NOP9: variants seen among roughly 807,000 people sequenced by gnomAD.
NOP9 encodes the protein NOP9 nucleolar protein.
NOP9 carries 50 observed loss-of-function variants against 63.0 expected under a neutral mutation model. The observed-to-expected ratio is 0.79, with a 90% confidence interval of 0.63 to 1.00. NOP9 has a LOEUF of 1.00. NOP9 is among the 50% of genes least tolerant of loss of function. NOP9 has a pLI of 0.00. For missense variants in NOP9, 758 were observed against 803.0 expected (o/e 0.94, Z 0.68); for synonymous variants, 343 against 332.8 (o/e 1.03, Z -0.33).
chr14:24,307,591 TGGCTAGAG>T lies in NOP9; in HGVS notation c.*2503_*2510del. The stretch of plus-strand genomic sequence containing the variant: ...TGTAAAGGGCATGATGAGGGTAGAG[TGGCTAGAG>T]GGCTAGGGAGGGAGAGATCTAGGTT... On this transcript the variant is annotated 3_prime_UTR_variant, in exon 10 of 10. Coordinates refer to ENST00000267425, the MANE Select transcript of NOP9 (RefSeq NM_174913.3). 2 of 1,510,022 alleles carry T rather than the reference TGGCTAGAG, an allele frequency of 1.3e-6. No homozygotes were observed. Among genetic ancestry groups the T allele is most frequent in the Non-Finnish European group, 1.8e-6 (2 of 1,107,362 alleles). 93.5% of individuals were successfully genotyped at this position (1,510,022 alleles called of 1,614,324 possible).
At chr14:24,298,948 A>G, upstream of NOP9, 1 of 1,597,290 alleles carries the variant, frequency 6.3e-7, no homozygotes, top group East Asian at 2.3e-5. Context: ...TCCCAGAGGA[A>G]GCACTCACCT....
At position 24,304,913 on chromosome 14, in the gene NOP9, T is replaced by G. The variant is rs1405844683; in HGVS notation, c.1754-25T>G. 4 of 1,508,552 alleles carry G rather than the reference T, an allele frequency of 2.7e-6. 1 individual carries two copies. The South Asian group carries it at 4.1e-5, about 15-fold the overall frequency. 93.4% of individuals were successfully genotyped at this position (1,508,552 alleles called of 1,614,324 possible). On this transcript the variant is annotated intron_variant, in intron 9 of 9. Coordinates refer to ENST00000267425, the MANE Select transcript of NOP9 (RefSeq NM_174913.3). Reference sequence around the variant, plus strand: ...AGTCTGTCTTTGAGCATGGTAGTACTAAACATGAGTGGTTCCCTTTGCAGG... The same window carrying G: ...AGTCTGTCTTTGAGCATGGTAGTACGAAACATGAGTGGTTCCCTTTGCAGG...
At position 24,301,737 on chromosome 14, in the gene NOP9, A is replaced by G. The variant is rs937180729; in HGVS notation, c.808+15A>G. The G allele has an allele frequency of 2.5e-6, 4 of 1,613,194 alleles. No individual in the cohort carries two copies. The African/African-American group carries it at 5.3e-5, about 22-fold the overall frequency. ...GGACATTGCAGGTAAGGAGGGAAGT[A>G]GGAGGATGGTCTCGTATCTACTTGT... On this transcript the variant is annotated intron_variant, in intron 3 of 9. Transcript: ENST00000267425.
At chr14:24,271,239 G>T in the NOP9 span, 13 of 1,297,744 alleles carry the variant, frequency 1.0e-5, no homozygotes, top group South Asian at 2.0e-4. Context: ...TCCGGAAGCA[G>T]CAAGCGTGCC....
chr14:24,292,613 T>C, the NOP9 span: 1 of 1,614,164 alleles, frequency 6.2e-7, no homozygotes, highest in Non-Finnish European at 8.5e-7. Flanking sequence ...AACATCACTG[T>C]CTTTTACCTC....
At chr14:24,296,631 A>C, upstream of NOP9, 1 of 1,613,002 alleles carries the variant, frequency 6.2e-7, no homozygotes. Context: ...GAAGGTAGGG[A>C]GGTGTGAGGG....
the NOP9 span, among the ~76,000 whole-genome samples, chr14:24,285,833 C>T: frequency 2.6e-5 from 4 of 151,942 alleles, no homozygotes; most frequent in South Asian, 2.1e-4. Context: ...TACTAAAATA[C>T]AAAAAATTAG....
chr14:24,278,537 G>A, the NOP9 span, among the ~76,000 whole-genome samples: 2 of 152,184 alleles, frequency 1.3e-5, no homozygotes, highest in South Asian at 4.1e-4. Flanking sequence ...AGATTGTTGG[G>A]CCAGATTTGT....
At chr14:24,297,622 G>A (rs79061364), upstream of NOP9, among the ~76,000 whole-genome samples, 684 of 152,252 alleles carry the variant, frequency 4.5e-3, 9 homozygotes, top group African/African-American at 0.016. Context: ...CACAAACCCT[G>A]TTCAAAATCT....
the NOP9 span, chr14:24,292,015 A>G: frequency 1.2e-6 from 1 of 862,360 alleles, no homozygotes; most frequent in Non-Finnish European, 1.8e-6. Flanking sequence ...CATCTGTAGA[A>G]TGGAGCTGGT....
the NOP9 span, chr14:24,294,291 T>C: frequency 6.6e-6 from 1 of 152,066 alleles, no homozygotes; most frequent in Non-Finnish European, 1.5e-5. Context: ...TCTGTGTATA[T>C]AAAGAGCAGG....
the NOP9 span, among the ~76,000 whole-genome samples, chr14:24,285,298 C>T: frequency 6.6e-6 from 1 of 152,176 alleles, no homozygotes; most frequent in Non-Finnish European, 1.5e-5. Flanking sequence ...TGTCATTAGT[C>T]TCTATTTAAG....
At chr14:24,295,193 T>G (rs1234654462), upstream of NOP9, among the ~76,000 whole-genome samples, 1 of 152,148 alleles carries the variant, frequency 6.6e-6, no homozygotes, top group Non-Finnish European at 1.5e-5. Context: ...ATGAGAGATA[T>G]TTACATGAAA....
Position 24,299,880 on chromosome 14 carries a change from G to A in NOP9, c.-75G>A, listed in dbSNP as rs538735428. ...CGTTTCTAAACTTTGTCTGGATAAG[G>A]CGCACGCTTGGCGACGTCGAAGGTC... On this transcript the variant is annotated 5_prime_UTR_variant, in exon 1 of 10. Coordinates refer to ENST00000267425, the MANE Select transcript of NOP9 (RefSeq NM_174913.3). 9.5e-6 allele frequency: 14 copies of A among 1,479,480 alleles called. No individual in the cohort carries two copies. The highest frequency in any genetic ancestry group is 4.2e-5 in the South Asian group (3 of 71,706). The allele number at this position is 1,479,480 out of a possible 1,614,324, so 91.6% of individuals were successfully genotyped here. A position where few individuals can be genotyped will look rare whatever the true frequency, so the allele number is the denominator to read the frequency against.
upstream of NOP9, chr14:24,296,487 G>T: frequency 6.2e-7 from 1 of 1,613,562 alleles, no homozygotes; most frequent in South Asian, 1.1e-5. Context: ...GGGAACATGG[G>T]TCCTGGCAGT....
chr14:24,271,310 G>C, the NOP9 span: 4 of 580,140 alleles, frequency 6.9e-6, no homozygotes, highest in East Asian at 3.1e-5. Context: ...TTCCACAAGA[G>C]GTGAGCACCC....
chr14:24,299,090 T>C (rs202001969), upstream of NOP9: 172 of 1,613,310 alleles, frequency 1.1e-4, no homozygotes, highest in Non-Finnish European at 1.3e-4. Flanking sequence ...CACTTGGCCA[T>C]TCATGGGAGC....
chr14:24,307,883 G>A lies in NOP9; in HGVS notation c.*2788G>A, dbSNP rs1189252947. ...TGGTGGACCGGAGAGTTCCTTCCCTGGAACTTCTGGGCTGGGTGGTTCTCT... is the reference window on the plus strand; with the variant it reads ...TGGTGGACCGGAGAGTTCCTTCCCTAGAACTTCTGGGCTGGGTGGTTCTCT... On this transcript the variant is annotated 3_prime_UTR_variant, in exon 10 of 10. Transcript: ENST00000267425. The A allele has an allele frequency of 5.7e-6, 9 of 1,572,400 alleles. No homozygotes were observed. The South Asian group carries it at 1.0e-4, about 18-fold the overall frequency.
At position 24,307,266 on chromosome 14, in the gene NOP9, G is replaced by C; in HGVS notation, c.*2171G>C. ...CTGCTTTTAGCCCTCAGAGGGAGGG[G>C]CAGCTGTGTGACTTCAGCCCTCTGC... On this transcript the variant is annotated 3_prime_UTR_variant, in exon 10 of 10. Transcript: ENST00000267425. The C allele has an allele frequency of 7.9e-7, 1 of 1,263,412 alleles. No homozygotes were observed. The highest frequency in any genetic ancestry group is 1.1e-6 in the Non-Finnish European group (1 of 899,712). 78.3% of individuals were successfully genotyped at this position (1,263,412 alleles called of 1,614,324 possible).
Sources: gnomAD v4.1 joint callset for allele counts (sites outside exome capture counted in the v4.1 genomes callset) on GRCh38, gnomAD v4.1.1 for gene constraint, MANE v1.5 for transcripts, NCBI Gene and HGNC (gene_info 2026-07-23, HGNC 2026-07-21) for gene names.